The following MAP7D3 variants were observed in gnomAD, a reference collection of about 807,000 sequenced individuals.
The protein encoded by MAP7D3 is MAP7 domain-containing protein 3.
Under a neutral mutation model 62.2 loss-of-function variants are expected in MAP7D3, and 45 were observed. The ratio of observed to expected loss-of-function variants is 0.72; its 90% confidence interval spans 0.57 to 0.93. MAP7D3 has a LOEUF of 0.93. Among genes scored for constraint, MAP7D3 ranks in the 40% least tolerant of loss-of-function variants. The pLI, the probability that MAP7D3 is intolerant of heterozygous loss-of-function variation, is 0.00. For missense variants in MAP7D3, 711 were observed against 683.1 expected, an observed-to-expected ratio of 1.04 and a Z score of -0.45; for synonymous variants, 288 against 248.8, an observed-to-expected ratio of 1.16 and a Z score of -1.48.
At chrX:136,251,604 T>A (rs1361274002), upstream of MAP7D3, 5 of 792,280 alleles carry the variant, frequency 6.3e-6, no homozygotes, top group Non-Finnish European at 7.5e-6. Context: ...CTATGTTCCG[T>A]GCTCTGCCCC....
At chrX:136,245,264 T>C (rs1039968825) in intron 3 of MAP7D3, among the ~76,000 whole-genome samples, 4 of 111,865 alleles carry the variant, frequency 3.6e-5, no homozygotes, top group Admixed American at 2.9e-4. Flanking sequence ...TTTACATTAA[T>C]GGACTTAACC....
chrX:136,251,325 C>A lies in MAP7D3; in HGVS notation c.34G>T (p.Gly12Cys), dbSNP rs972685079. Residue 12 changes from glycine (G) to cysteine (C), a missense_variant, in exon 1 of 19, where the codon GGC becomes TGC. Coordinates refer to ENST00000316077, the MANE Select transcript of MAP7D3 (RefSeq NM_024597.4). Reference protein sequence around the residue: ...MADGAAAGAGGSPSLRELRAR... With the variant: ...MADGAAAGAGCSPSLRELRAR... Reference sequence around the variant, plus strand: ...CGCAGCTCTCTCAAGGATGGGCTGCCGCCAGCGCCAGCTGCGGCGCCGTCC... The same window carrying A: ...CGCAGCTCTCTCAAGGATGGGCTGCAGCCAGCGCCAGCTGCGGCGCCGTCC... The A allele has an allele frequency of 8.9e-7, 1 of 1,128,761 alleles. No homozygotes were observed. The highest frequency in any genetic ancestry group is 1.2e-6 in the Non-Finnish European group (1 of 860,275). The allele number at this position is 1,128,761 out of a possible 1,213,427, so 93.0% of individuals were successfully genotyped here.
chrX:136,255,405 A>G (rs1447949066), upstream of MAP7D3, among the ~76,000 whole-genome samples: 1 of 112,205 alleles, frequency 8.9e-6, no homozygotes, highest in Non-Finnish European at 1.9e-5. Flanking sequence ...TCATTGGTAG[A>G]TTACTGTGAG....
intron 15 of MAP7D3, 86 bp downstream of exon 15, chrX:136,222,307 G>A (rs1167882721): frequency 2.9e-6 from 2 of 691,769 alleles, no homozygotes; most frequent in Admixed American, 2.7e-5. Flanking sequence ...GAAAGGTTAA[G>A]TGACCTGCCC....
chrX:136,231,625 C>T lies in MAP7D3; in HGVS notation c.1332G>A (p.Ala444=), dbSNP rs777823602. 1.2e-4 allele frequency: 139 copies of T among 1,208,642 alleles called. No homozygotes were observed. The highest frequency in any genetic ancestry group is 2.1e-4 in the South Asian group (12 of 56,684). Residue 444 remains alanine, a synonymous_variant, in exon 8 of 19, where the codon GCG becomes GCA. Transcript: ENST00000316077. The part of the protein sequence containing the change: ...PKESMEASPE[A]MVKASPKTSL... ...ATGTCTTGGGGGATGCTTTCACCAT[C>T]GCCTCAGGAGATGCCTCCATGCTCT...
intron 4 of MAP7D3, among the ~76,000 whole-genome samples, chrX:136,244,154 C>A (rs1326649532): frequency 9.0e-6 from 1 of 110,843 alleles, no homozygotes; most frequent in African/African-American, 3.3e-5. Context: ...CAGAGGGAGC[C>A]AGGGAAGCTG....
Position 136,219,423 on chromosome X carries a change from T to C in MAP7D3, c.*7A>G. ...CCAAATGAGGAGAAACAGGTTTGCTTCTTCTCTTATTGTCTAAAGGTGTCT... is the reference window on the plus strand; with the variant it reads ...CCAAATGAGGAGAAACAGGTTTGCTCCTTCTCTTATTGTCTAAAGGTGTCT... On this transcript the variant is annotated 3_prime_UTR_variant, in exon 18 of 19. Transcript: ENST00000316077. The C allele has an allele frequency of 8.4e-7, 1 of 1,186,930 alleles. No individual in the cohort carries two copies. Among genetic ancestry groups the C allele is most frequent in the East Asian group, 3.0e-5 (1 of 33,750 alleles).
chrX:136,248,037 C>G (rs1224152498), intron 1 of MAP7D3, among the ~76,000 whole-genome samples: 1 of 111,318 alleles, frequency 9.0e-6, no homozygotes, highest in Non-Finnish European at 1.9e-5. Context: ...GCCAACATGG[C>G]AAACTCCCAT....
At chrX:136,238,737 TC>T (rs1480517962) in intron 6 of MAP7D3, among the ~76,000 whole-genome samples, 1 of 111,177 alleles carries the variant, frequency 9.0e-6, no homozygotes, top group African/African-American at 3.3e-5. Context: ...ATTTTAAGAG[TC>T]CTAAAAGTAC....
At position 136,243,887 on chromosome X, in the gene MAP7D3, G is replaced by T. The variant is rs148082815; in HGVS notation, c.417+745C>A. Among the ~76,000 whole-genome samples, 950 of 111,430 alleles carry T rather than the reference G, an allele frequency of 8.5e-3. 3 individuals are homozygous for T. Among genetic ancestry groups the T allele is most frequent in the Non-Finnish European group, 0.014 (759 of 53,070 alleles). On this transcript the variant is annotated intron_variant, in intron 4 of 18. Transcript: ENST00000316077. ...TCATACGGAATGAGACAGGTAGCCA[G>T]ATGCCCAGTACCACAAAAGACAAAC...
Position 136,218,257 on chromosome X carries a change from A to C in MAP7D3, c.*269T>G, listed in dbSNP as rs1319583855. On this transcript the variant is annotated 3_prime_UTR_variant, in exon 19 of 19. Transcript: ENST00000316077. ...AGAGACAATGATGATTTTCCAAAGA[A>C]AACAAAAACCACTCTTTACTTAGAA... 1 of 111,709 alleles carries C rather than the reference A, an allele frequency of 9.0e-6. No homozygotes were observed. The highest frequency in any genetic ancestry group is 3.2e-5 in the African/African-American group (1 of 30,775). 9.2% of individuals were successfully genotyped at this position (111,709 alleles called of 1,213,427 possible).
Position 136,231,697 on chromosome X carries a change from C to T in MAP7D3, c.1260G>A (p.Gly420=). 8.3e-7 allele frequency: 1 copy of T among 1,209,574 alleles called. No individual in the cohort carries two copies. Among genetic ancestry groups the T allele is most frequent in the South Asian group, 1.8e-5 (1 of 56,960 alleles). The stretch of plus-strand genomic sequence containing the variant: ...TCTCCTTGGGGGCTACTTCTGCGCT[C>T]CCCTTGGGAGGTGCTTCCAGGCTCC... ...PEGSLEAPPK[G]SAEVAPKESV... Residue 420 remains glycine (G), a synonymous_variant, in exon 8 of 19, where the codon GGG becomes GGA. Transcript: ENST00000316077.
chrX:136,240,915 A>G, intron 5 of MAP7D3, among the ~76,000 whole-genome samples: 1 of 112,766 alleles, frequency 8.9e-6, no homozygotes, highest in East Asian at 2.7e-4. Context: ...GTCATTATTC[A>G]GCATTTTTCT....
At chrX:136,232,247 C>T (rs2074280783) in intron 7 of MAP7D3, 27 bp from the exon 8 acceptor site, 2 of 1,053,875 alleles carry the variant, frequency 1.9e-6, no homozygotes, top group Non-Finnish European at 2.6e-6. Context: ...CATGAAATTC[C>T]CTAAGTTAGA....
Position 136,227,268 on chromosome X carries a change from T to C in MAP7D3, c.2034+16A>G, listed in dbSNP as rs771767747. On this transcript the variant is annotated intron_variant, in intron 12 of 18. Coordinates refer to ENST00000316077, the MANE Select transcript of MAP7D3 (RefSeq NM_024597.4). ...ATCTGGTTCTCATCCCCTGATAAAGTGTCAAGTCAGCAAACCTGCAGTGGT... is the reference window on the plus strand; with the variant it reads ...ATCTGGTTCTCATCCCCTGATAAAGCGTCAAGTCAGCAAACCTGCAGTGGT... 2.8e-5 allele frequency: 34 copies of C among 1,203,091 alleles called. No homozygotes were observed. The highest frequency in any genetic ancestry group is 3.6e-5 in the South Asian group (2 of 56,190).
chrX:136,247,887 G>A (rs1055703932), intron 1 of MAP7D3, among the ~76,000 whole-genome samples: 1 of 112,009 alleles, frequency 8.9e-6, no homozygotes, highest in East Asian at 2.8e-4. Context: ...AGGATAGTCC[G>A]TATTTGACAC....
chrX:136,238,105 T>C (rs2074350646), intron 6 of MAP7D3, among the ~76,000 whole-genome samples: 1 of 111,991 alleles, frequency 8.9e-6, no homozygotes, highest in African/African-American at 3.3e-5. Flanking sequence ...TGTGCCACAT[T>C]TTCTTAATCC....
rs769355084 is a variant in MAP7D3 at position 136,231,855 on chromosome X, C to T, written c.1102G>A (p.Ala368Thr). The change falls in exon 8 of 19, where the codon GCA becomes ACA. Residue 368 changes from alanine to threonine, a missense_variant. Physicochemically the swap from Ala to Thr is moderately conservative, Grantham distance 58. Coordinates refer to ENST00000316077, the MANE Select transcript of MAP7D3 (RefSeq NM_024597.4). ...GTTTCCAGGTCCACCTTCGGGAGTG[C>T]TTCTATGCTCAACTCGGGGGATGCG... ...MDASPELSIE[A>T]LPKVDLETVP... is the part of the protein sequence containing the mutation. The T allele has an allele frequency of 8.3e-7, 1 of 1,209,763 alleles. No individual in the cohort carries two copies. Among genetic ancestry groups the T allele is most frequent in the African/African-American group, 1.8e-5 (1 of 57,120 alleles).
chrX:136,228,122 CAT>C (rs1241467178), intron 11 of MAP7D3, among the ~76,000 whole-genome samples: 1 of 112,114 alleles, frequency 8.9e-6, no homozygotes, highest in Non-Finnish European at 1.9e-5. Flanking sequence ...CACAACTGTA[CAT>C]GAGATTTGCT....
Sources: allele counts gnomAD v4.1 joint callset (sites outside exome capture counted in the v4.1 genomes callset), GRCh38; gene constraint gnomAD v4.1.1; transcripts MANE v1.5; gene names NCBI Gene and HGNC (gene_info 2026-07-23, HGNC 2026-07-21).